Variants in ANKRD28 observed in about 807,000 individuals in gnomAD.
ANKRD28 encodes ankyrin repeat domain 28, also known as serine/threonine-protein phosphatase 6 regulatory ankyrin repeat subunit A.
Under a neutral mutation model 126.5 loss-of-function variants are expected in ANKRD28, and 44 were observed. The observed-to-expected ratio is 0.35, with a 90% confidence interval of 0.27 to 0.45. The LOEUF is 0.45. Ranked by LOEUF, ANKRD28 falls within the 20% of genes least tolerant of loss-of-function variation. ANKRD28 has a pLI of 1.00. For synonymous variants in ANKRD28, 442 were observed against 468.5 expected, an observed-to-expected ratio of 0.94 and a Z score of 0.73; for missense variants, 1,110 against 1,316.6, an observed-to-expected ratio of 0.84 and a Z score of 2.43.
chr3:15,687,912 G>A (rs1239855055), intron 18 of ANKRD28, among the ~76,000 whole-genome samples: 1 of 152,154 alleles, frequency 6.6e-6, no homozygotes, highest in Non-Finnish European at 1.5e-5. Context: ...CAGCATCTCT[G>A]TGGGAAATGA....
chr3:15,763,558 C>G (rs1042689272), intron 3 of ANKRD28, among the ~76,000 whole-genome samples: 1 of 152,002 alleles, frequency 6.6e-6, no homozygotes, highest in Non-Finnish European at 1.5e-5. Flanking sequence ...ATAACACAGG[C>G]GAGGGGGATT....
Position 15,851,221 on chromosome 3 carries a change from C to T in ANKRD28, c.27+8156G>A, listed in dbSNP as rs1307916263. Among the ~76,000 whole-genome samples, 4 of 151,956 alleles carry T rather than the reference C, an allele frequency of 2.6e-5. No individual in the cohort carries two copies. The East Asian group carries it at 7.7e-4, about 29-fold the overall frequency. On this transcript the variant is annotated intron_variant, in intron 1 of 27. Coordinates refer to the ANKRD28 transcript ENST00000399451. ...TGAAAAGATGCTCAACATCATTAGGCATCAAAACTGCAGTAAGATACTACT... is the reference window on the plus strand; with the variant it reads ...TGAAAAGATGCTCAACATCATTAGGTATCAAAACTGCAGTAAGATACTACT...
intron 4 of ANKRD28, among the ~76,000 whole-genome samples, chr3:15,744,965 G>C (rs1163033754): frequency 6.6e-6 from 1 of 151,994 alleles, no homozygotes; most frequent in African/African-American, 2.4e-5. Context: ...ATCGCTTTGT[G>C]GTTTTGATTT....
intron 1 of ANKRD28, among the ~76,000 whole-genome samples, chr3:15,828,757 C>T (rs2061126025): frequency 6.6e-6 from 1 of 152,190 alleles, no homozygotes; most frequent in Non-Finnish European, 1.5e-5. Flanking sequence ...CCACGCTGCA[C>T]TTGTTCACTG....
At chr3:15,737,768 C>T (rs921581974) in intron 4 of ANKRD28, among the ~76,000 whole-genome samples, 25 of 152,080 alleles carry the variant, frequency 1.6e-4, no homozygotes, top group African/African-American at 4.8e-4. Context: ...TAGAGCCACA[C>T]CTGGCTCTTT....
At chr3:15,743,405 A>T (rs2057246669) in intron 4 of ANKRD28, among the ~76,000 whole-genome samples, 1 of 152,236 alleles carries the variant, frequency 6.6e-6, no homozygotes. Context: ...TTGCAAATAA[A>T]CACAAAGCTT....
chr3:15,752,306 A>C (rs896064842), intron 3 of ANKRD28, among the ~76,000 whole-genome samples: 1 of 152,196 alleles, frequency 6.6e-6, no homozygotes, highest in African/African-American at 2.4e-5. Flanking sequence ...TATAAGATAG[A>C]AACAATGGTT....
upstream of ANKRD28, among the ~76,000 whole-genome samples, chr3:15,799,855 T>C (rs2060424921): frequency 6.6e-6 from 1 of 152,058 alleles, no homozygotes; most frequent in Non-Finnish European, 1.5e-5. Flanking sequence ...TTCCACTTTC[T>C]TCCACCTATA....
intron 1 of ANKRD28, among the ~76,000 whole-genome samples, chr3:15,808,097 G>A (rs2060627051): frequency 6.6e-6 from 1 of 152,192 alleles, no homozygotes; most frequent in Admixed American, 6.5e-5. Context: ...CTAAGCAGTA[G>A]GGAAAACTGG....
chr3:15,844,214 G>A (rs181511764), intron 1 of ANKRD28, among the ~76,000 whole-genome samples: 2 of 152,216 alleles, frequency 1.3e-5, no homozygotes, highest in East Asian at 1.9e-4. Flanking sequence ...AAGTAGACTG[G>A]TCACCCAAAC....
chr3:15,709,831 G>T, intron 12 of ANKRD28, 95 bp from the exon 13 acceptor site: 1 of 695,320 alleles, frequency 1.4e-6, no homozygotes, highest in Non-Finnish European at 2.4e-6. Context: ...GTTTTTATAT[G>T]AAGATAAATG....
chr3:15,726,403 A>G (rs936994155), intron 6 of ANKRD28, among the ~76,000 whole-genome samples: 3 of 152,228 alleles, frequency 2.0e-5, no homozygotes, highest in Non-Finnish European at 4.4e-5. Flanking sequence ...GGCCTTACTG[A>G]TGATACAGAG....
intron 27 of ANKRD28, among the ~76,000 whole-genome samples, chr3:15,672,313 A>G (rs1392900386): frequency 6.6e-6 from 1 of 151,652 alleles, no homozygotes; most frequent in Non-Finnish European, 1.5e-5. Flanking sequence ...GCTAATTTTT[A>G]AACTTTTTTG....
intron 1 of ANKRD28, among the ~76,000 whole-genome samples, chr3:15,850,159 G>T: frequency 7.2e-6 from 1 of 138,102 alleles, no homozygotes; most frequent in Non-Finnish European, 1.5e-5. Context: ...TTCAACAAAT[G>T]GCACTGGGAC....
chr3:15,718,006 G>T (rs1004716297), intron 8 of ANKRD28, among the ~76,000 whole-genome samples: 2 of 151,988 alleles, frequency 1.3e-5, no homozygotes, highest in African/African-American at 4.8e-5. Flanking sequence ...GAATATGAGG[G>T]TTAGTAAATC....
At chr3:15,701,941 A>T (rs918808652) in intron 14 of ANKRD28, among the ~76,000 whole-genome samples, 12 of 151,822 alleles carry the variant, frequency 7.9e-5, no homozygotes, top group Admixed American at 2.0e-4. Context: ...AAGGGCATTT[A>T]AAAAAAATCT....
Position 15,737,150 on chromosome 3 carries a change from A to G in ANKRD28, c.435T>C (p.Ala145=), listed in dbSNP as rs1183440722. ...CAGCACACTTTACAGCTTTATTAGC[A>G]GCAGCTATATGTAAAGGGGTTTGCC... The part of the protein sequence containing the change: ...KNWQTPLHIA[A]ANKAVKCAEA... The change falls in exon 5 of 28, where the codon GCT becomes GCC. Residue 145 remains alanine (A), a synonymous_variant. Coordinates refer to ENST00000683139, the MANE Select transcript of ANKRD28 (RefSeq NM_001349278.2). 5 of 1,613,936 alleles carry G rather than the reference A, an allele frequency of 3.1e-6. No individual in the cohort carries two copies. In the East Asian group the frequency reaches 8.9e-5, roughly 29 times the overall value.
rs112983005 is a variant in ANKRD28, at chr3:15,716,833, A to G, written c.997-2177T>C. On this transcript the variant is annotated intron_variant, in intron 8 of 27. Coordinates refer to ENST00000683139, the MANE Select transcript of ANKRD28 (RefSeq NM_001349278.2). ...TTCATATGGTCAGGCACGGTGGCTC[A>G]TATCTATAATTCCAGCGCTTGGGGA... is the stretch of plus-strand genomic sequence containing the variant. Among the ~76,000 whole-genome samples the G allele has an allele frequency of 3.7e-3, 567 of 152,320 alleles. 5 individuals carry two copies. Among genetic ancestry groups the G allele is most frequent in the Non-Finnish European group, 4.3e-3 (293 of 68,028 alleles).
rs775785619 is a variant in ANKRD28, at chr3:15,771,910, T to C, written c.202-5598A>G. Among the ~76,000 whole-genome samples, 6 of 152,098 alleles carry C rather than the reference T, an allele frequency of 3.9e-5. No individual in the cohort carries two copies. The South Asian group carries it at 6.2e-4, about 16-fold the overall frequency. ...GAAAGATAACCTGACAATTTGAAAA[T>C]TGCCAAGTATTTGGGATTCAAAGCA... On this transcript the variant is annotated intron_variant, in intron 2 of 27. Transcript: ENST00000683139.
Sources: allele counts gnomAD v4.1 joint callset (sites outside exome capture counted in the v4.1 genomes callset), GRCh38; gene constraint gnomAD v4.1.1; transcripts MANE v1.5; gene names NCBI Gene and HGNC (gene_info 2026-07-23, HGNC 2026-07-21).